Variants in ZNF532 observed in about 807,000 individuals in gnomAD.
ZNF532 encodes zinc finger protein 532.
In ZNF532, 22 loss-of-function variants were observed where a neutral mutation model predicts 89.3. The observed-to-expected ratio is 0.25, with a 90% CI of 0.18 to 0.35. The LOEUF (loss-of-function observed/expected upper bound fraction) is 0.35, where lower values mean the gene tolerates loss of function less well. Ranked by LOEUF, ZNF532 falls within the 10% of genes least tolerant of loss-of-function variation. The probability of loss-of-function intolerance (pLI) is 1.00; values close to 1 mark genes in which losing one functional copy is unlikely to be tolerated. For synonymous variants in ZNF532, 606 were observed against 649.6 expected (o/e 0.93, Z 1.02); for missense variants, 1,132 against 1,643.4 (o/e 0.69, Z 5.38).
At chr18:58,899,223 TAG>T (rs1198245965) in intron 2 of ZNF532, among the ~76,000 whole-genome samples, 2 of 152,186 alleles carry the variant, frequency 1.3e-5, no homozygotes, top group African/African-American at 2.4e-5. Context: ...CCAGCAGAGG[TAG>T]AGAGTTGTCA....
intron 4 of ZNF532, among the ~76,000 whole-genome samples, chr18:58,938,910 C>G (rs1173204695): frequency 1.3e-5 from 2 of 152,094 alleles, no homozygotes; most frequent in Admixed American, 1.3e-4. Context: ...AAAAATAGAC[C>G]ATTTGAGTTT....
At chr18:58,878,094 A>G (rs1487433590) in intron 2 of ZNF532, among the ~76,000 whole-genome samples, 1 of 152,106 alleles carries the variant, frequency 6.6e-6, no homozygotes, top group African/African-American at 2.4e-5. Context: ...GTCTCTACTA[A>G]AATGACAAAA....
intron 2 of ZNF532, among the ~76,000 whole-genome samples, chr18:58,898,973 T>C (rs976698544): frequency 6.6e-6 from 1 of 152,266 alleles, no homozygotes; most frequent in Non-Finnish European, 1.5e-5. Flanking sequence ...TCTCTGGCTT[T>C]CAGCGCTGGA....
At chr18:58,945,541 TC>T (rs1568391296) in intron 5 of ZNF532, among the ~76,000 whole-genome samples, 1 of 152,272 alleles carries the variant, frequency 6.6e-6, no homozygotes, top group Admixed American at 6.5e-5. Context: ...GTTTTACACT[TC>T]CTGTTGTTAA....
At chr18:58,972,433 ATT>A (rs1454475226) in intron 7 of ZNF532, among the ~76,000 whole-genome samples, 1 of 152,208 alleles carries the variant, frequency 6.6e-6, no homozygotes, top group Non-Finnish European at 1.5e-5. Flanking sequence ...TGCAATAAGC[ATT>A]TGTTACTTTG....
intron 2 of ZNF532, among the ~76,000 whole-genome samples, chr18:58,880,154 G>A (rs2057768779): frequency 6.6e-6 from 1 of 152,226 alleles, no homozygotes; most frequent in Admixed American, 6.5e-5. Flanking sequence ...AAGAAAGTGT[G>A]CAGAGGCCGC....
chr18:58,896,578 C>T (rs1381357302), intron 2 of ZNF532: 2 of 153,500 alleles, frequency 1.3e-5, no homozygotes, highest in Non-Finnish European at 2.9e-5. Context: ...TGTTCATCCA[C>T]CCATCCGTCT....
chr18:58,867,810 A>G (rs1456178025), intron 2 of ZNF532, among the ~76,000 whole-genome samples: 1 of 152,170 alleles, frequency 6.6e-6, no homozygotes, highest in African/African-American at 2.4e-5. Context: ...CATGTTAAAG[A>G]ACACTGGAGC....
chr18:58,968,107 A>G (rs2066107761), intron 7 of ZNF532, among the ~76,000 whole-genome samples: 1 of 152,218 alleles, frequency 6.6e-6, no homozygotes, highest in South Asian at 2.1e-4. Flanking sequence ...TTCATTGCCT[A>G]CCAGGGCTGC....
chr18:58,938,089 A>C (rs1361803169), intron 4 of ZNF532, among the ~76,000 whole-genome samples: 1 of 152,258 alleles, frequency 6.6e-6, no homozygotes, highest in Non-Finnish European at 1.5e-5. Context: ...TAACTTCGGA[A>C]GCATCTCCAT....
intron 2 of ZNF532, among the ~76,000 whole-genome samples, chr18:58,898,056 C>CA (rs1328672459): frequency 1.3e-5 from 2 of 152,034 alleles, no homozygotes; most frequent in Admixed American, 6.6e-5. Context: ...GTACATAGAT[C>CA]AAAAAAATAG....
intron 2 of ZNF532, among the ~76,000 whole-genome samples, chr18:58,888,206 A>C (rs945640508): frequency 2.0e-5 from 3 of 152,214 alleles, no homozygotes; most frequent in African/African-American, 4.8e-5. Flanking sequence ...GTTCATTAAT[A>C]AAGGAAAATT....
rs776643795 is a variant in ZNF532, at chr18:58,945,669, A to G, written c.2706-2398A>G. Among the ~76,000 whole-genome samples, 5 of 152,178 alleles carry G rather than the reference A, an allele frequency of 3.3e-5. 1 individual carries two copies. The highest frequency in any genetic ancestry group is 6.5e-5 in the Admixed American group (1 of 15,274). On this transcript the variant is annotated intron_variant, in intron 5 of 9. Coordinates refer to ENST00000591808, the MANE Select transcript of ZNF532 (RefSeq NM_001375912.1). ...AAATGTGAAAATTGAGTTCTCAGCA[A>G]TTTCTTAGCCTAGCTAGTAAATCTC...
intron 3 of ZNF532, among the ~76,000 whole-genome samples, chr18:58,928,744 C>T (rs530386725): frequency 8.5e-5 from 13 of 152,240 alleles, no homozygotes; most frequent in African/African-American, 2.9e-4. Flanking sequence ...TTAAATCTGC[C>T]CCAGTTAGGG....
chr18:58,880,751 G>GGC lies in ZNF532; in HGVS notation c.-18+15181_-18+15182dup, dbSNP rs1166775525. Among the ~76,000 whole-genome samples the GGC allele has an allele frequency of 1.0e-4, 8 of 80,280 alleles. No homozygotes were observed. The East Asian group carries it at 1.8e-3, about 18-fold the overall frequency. The allele number at this position is 80,280 out of a possible 152,430, so 52.7% of individuals were successfully genotyped here. ...AGATGTATATTTGAGCCCTCTCATAGGCGCGCGCGCACGCGCGCGCGTCTG... is the reference window on the plus strand; with the variant it reads ...AGATGTATATTTGAGCCCTCTCATAGGCGCGCGCGCGCACGCGCGCGCGTCTG... On this transcript the variant is annotated intron_variant, in intron 2 of 9. Coordinates refer to ENST00000591808, the MANE Select transcript of ZNF532 (RefSeq NM_001375912.1).
chr18:58,947,925 T>G, intron 5 of ZNF532, 142 bp from the exon 6 acceptor site: 2 of 703,012 alleles, frequency 2.8e-6, no homozygotes, highest in Non-Finnish European at 2.3e-6. Context: ...AAAGTTTGTT[T>G]CAGAGCTAAT....
At chr18:58,909,472 A>G (rs968507724) in intron 2 of ZNF532, among the ~76,000 whole-genome samples, 3 of 152,156 alleles carry the variant, frequency 2.0e-5, no homozygotes, top group Non-Finnish European at 4.4e-5. Flanking sequence ...TGTTGTGACC[A>G]TGGGAGTTGC....
rs1450150232 is a variant in ZNF532, at chr18:58,918,635, C to G, written c.348C>G (p.Ala116=). 3 of 1,614,176 alleles carry G rather than the reference C, an allele frequency of 1.9e-6. No individual in the cohort carries two copies. The highest frequency in any genetic ancestry group is 1.7e-6 in the Non-Finnish European group (2 of 1,180,034). ...AGTCCTTGAAAGGAGATGTGCCTGC[C>G]TCTGAGGTGACACTGAAAGACTCGA... is the stretch of plus-strand genomic sequence containing the variant. ...GAKSLKGDVP[A]SEVTLKDSTF... The change falls in exon 3 of 10, where the codon GCC becomes GCG. Residue 116 remains alanine, a synonymous_variant. Coordinates refer to ENST00000591808, the MANE Select transcript of ZNF532 (RefSeq NM_001375912.1).
intron 7 of ZNF532, among the ~76,000 whole-genome samples, chr18:58,972,537 A>T (rs2066577600): frequency 6.6e-6 from 1 of 152,176 alleles, no homozygotes; most frequent in African/African-American, 2.4e-5. Context: ...GAAGCTGCTG[A>T]GCAGGAATTC....
Sources: allele counts gnomAD v4.1 joint callset (sites outside exome capture counted in the v4.1 genomes callset), GRCh38; gene constraint gnomAD v4.1.1; transcripts MANE v1.5; gene names NCBI Gene and HGNC (gene_info 2026-07-23, HGNC 2026-07-21).